Variants in SLC39A11 observed in about 807,000 individuals in gnomAD.
SLC39A11 encodes the protein solute carrier family 39 member 11, also known as zinc transporter ZIP11.
A neutral mutation model predicts 36.1 loss-of-function variants in SLC39A11; 33 were observed. The ratio of observed to expected loss-of-function variants is 0.91; its 90% CI spans 0.69 to 1.22. SLC39A11 has a LOEUF of 1.22. SLC39A11 is among the 50% of genes most tolerant of loss of function. The pLI, the probability that SLC39A11 is intolerant of heterozygous loss-of-function variation, is 0.00. For synonymous variants in SLC39A11, 166 were observed against 170.3 expected, an observed-to-expected ratio of 0.97 and a Z score of 0.20; for missense variants, 432 against 430.3, an observed-to-expected ratio of 1.00 and a Z score of -0.03.
intron 3 of SLC39A11, among the ~76,000 whole-genome samples, chr17:73,069,346 A>G (rs2060091679): frequency 6.6e-6 from 1 of 152,232 alleles, no homozygotes; most frequent in Non-Finnish European, 1.5e-5. Flanking sequence ...AGCTCCTTGC[A>G]GGGAGGGATT....
chr17:72,939,415 C>A (rs1007662631), intron 5 of SLC39A11, among the ~76,000 whole-genome samples: 13 of 151,424 alleles, frequency 8.6e-5, no homozygotes, highest in Admixed American at 2.0e-4. Context: ...GCTGAGATTG[C>A]ACCACTGCAC....
intron 3 of SLC39A11, among the ~76,000 whole-genome samples, chr17:73,077,693 C>G (rs1435179583): frequency 6.6e-6 from 1 of 152,166 alleles, no homozygotes; most frequent in Non-Finnish European, 1.5e-5. Flanking sequence ...TCTTTAGAGT[C>G]TCTTTCTTTC....
At chr17:73,078,911 T>C (rs1276727638) in intron 3 of SLC39A11, among the ~76,000 whole-genome samples, 7 of 151,628 alleles carry the variant, frequency 4.6e-5, no homozygotes, top group African/African-American at 7.3e-5. Context: ...TTTCTTTGTT[T>C]GATGCACTTT....
At chr17:72,743,401 AG>A (rs1175393422) in intron 6 of SLC39A11, among the ~76,000 whole-genome samples, 3 of 152,212 alleles carry the variant, frequency 2.0e-5, no homozygotes, top group African/African-American at 7.2e-5. Flanking sequence ...ACCTCAGGCC[AG>A]GCCAGTAGCA....
chr17:72,912,893 T>A lies in SLC39A11; in HGVS notation c.430+34859A>T, dbSNP rs2083102653. ...CTTCTCCCCATCCCTCTTGCTCCAT[T>A]GGCAATCGGCTCAAGAGTGCTGACT... is the stretch of plus-strand genomic sequence containing the variant. On this transcript the variant is annotated intron_variant, in intron 5 of 9. Coordinates refer to ENST00000255559, the MANE Select transcript of SLC39A11 (RefSeq NM_139177.4). Among the ~76,000 whole-genome samples the A allele has an allele frequency of 2.6e-5, 4 of 152,172 alleles. No individual in the cohort carries two copies. In the South Asian group the frequency reaches 8.3e-4, roughly 32 times the overall value.
chr17:72,729,909 C>T lies in SLC39A11; in HGVS notation c.671+6741G>A, dbSNP rs371966655. On this transcript the variant is annotated intron_variant, in intron 7 of 9. Transcript: ENST00000255559. ...TTATGCCGCCTATGGGCTTAACTGT[C>T]GATTAATAAATTACTATGGGTATCT... 2.5e-4 allele frequency among the ~76,000 whole-genome samples: 38 copies of T among 151,946 alleles called. 1 individual carries two copies. Among genetic ancestry groups the T allele is most frequent in the East Asian group, 9.7e-4 (5 of 5,168 alleles).
At chr17:72,816,366 T>C (rs1192710972) in intron 6 of SLC39A11, among the ~76,000 whole-genome samples, 1 of 152,080 alleles carries the variant, frequency 6.6e-6, no homozygotes, top group East Asian at 1.9e-4. Flanking sequence ...TCTTTTGCTC[T>C]TTCTTCCCAC....
At chr17:73,028,930 CA>C (rs1445412701) in intron 4 of SLC39A11, among the ~76,000 whole-genome samples, 2 of 151,770 alleles carry the variant, frequency 1.3e-5, no homozygotes, top group African/African-American at 2.4e-5. Flanking sequence ...CCAGCCTGGC[CA>C]ACATGGTGAA....
intron 4 of SLC39A11, among the ~76,000 whole-genome samples, chr17:72,974,873 G>A (rs890843383): frequency 2.0e-5 from 3 of 152,134 alleles, no homozygotes; most frequent in Non-Finnish European, 4.4e-5. Flanking sequence ...CCTCTTCTAT[G>A]TTCAGATACA....
intron 7 of SLC39A11, among the ~76,000 whole-genome samples, chr17:72,657,309 G>A (rs1222061294): frequency 3.3e-5 from 5 of 152,172 alleles, no homozygotes; most frequent in African/African-American, 9.7e-5. Context: ...ACAGTGAGCC[G>A]AGATAGCGCC....
Position 72,837,253 on chromosome 17 carries a change from C to T in SLC39A11, c.601+12381G>A, listed in dbSNP as rs75058462. Among the ~76,000 whole-genome samples, 1,327 of 150,994 alleles carry T rather than the reference C, an allele frequency of 8.8e-3. 18 individuals carry two copies. The highest frequency in any genetic ancestry group is 0.031 in the African/African-American group (1,275 of 41,064). On this transcript the variant is annotated intron_variant, in intron 6 of 9. Coordinates refer to ENST00000255559, the MANE Select transcript of SLC39A11 (RefSeq NM_139177.4). ...TCAAAATCCACAGCAACTGCCACCT[C>T]GTTGGAAAGCAGGGCTCAAAAAACA... is the stretch of plus-strand genomic sequence containing the variant.
At chr17:72,744,417 C>T (rs1288750475) in intron 6 of SLC39A11, among the ~76,000 whole-genome samples, 5 of 152,056 alleles carry the variant, frequency 3.3e-5, no homozygotes, top group Admixed American at 1.3e-4. Context: ...CAATGAGGGA[C>T]ACTTACAGAA....
chr17:72,904,855 A>G (rs2082568262), intron 5 of SLC39A11, among the ~76,000 whole-genome samples: 1 of 152,176 alleles, frequency 6.6e-6, no homozygotes, highest in Non-Finnish European at 1.5e-5. Flanking sequence ...CACCAGTCCC[A>G]TCAGCAGGGA....
chr17:72,961,067 C>T (rs1413845449), intron 4 of SLC39A11, among the ~76,000 whole-genome samples: 2 of 152,110 alleles, frequency 1.3e-5, no homozygotes, highest in African/African-American at 4.8e-5. Context: ...CATGAAAGAG[C>T]GAGCCTAAGA....
chr17:72,667,513 A>G (rs1288361414), intron 7 of SLC39A11, among the ~76,000 whole-genome samples: 1 of 152,158 alleles, frequency 6.6e-6, no homozygotes, highest in African/African-American at 2.4e-5. Flanking sequence ...CCCAGTATGG[A>G]TGGCTGAGGG....
In SLC39A11 at chr17:72,849,680, C is replaced by T. The variant is rs74444525; in HGVS notation, c.555G>A (p.Arg185=). The change falls in exon 6 of 10, where the codon AGG becomes AGA. Residue 185 remains arginine, a synonymous_variant. Transcript: ENST00000255559. ...TGGCCAAGATGAGCAGTGCGATCCT[C>T]CTCCAGCTGCTGCCGCCGGGCTGTG... ...NLAQPGGSSW[R]RIALLILAIT... is the part of the protein sequence containing the mutation. 4,602 of 1,607,922 alleles carry T rather than the reference C, an allele frequency of 2.9e-3. 93 individuals carry two copies. The African/African-American group carries it at 0.04, about 14-fold the overall frequency.
chr17:72,829,716 T>C (rs942520287), intron 6 of SLC39A11, among the ~76,000 whole-genome samples: 3 of 152,152 alleles, frequency 2.0e-5, no homozygotes, highest in Non-Finnish European at 4.4e-5. Flanking sequence ...TTCTACTGTA[T>C]AAACCACCCT....
At position 72,834,061 on chromosome 17, in the gene SLC39A11, T is replaced by C. The variant is rs34316293; in HGVS notation, c.601+15573A>G. 4.8e-3 allele frequency among the ~76,000 whole-genome samples: 729 copies of C among 152,114 alleles called. 4 individuals carry two copies. The highest frequency in any genetic ancestry group is 0.027 in the Middle Eastern group (8 of 294). ...AATGGAACTCCTCCCAAGGCAAGCTTGGGTAGGCACTACACAACAAACAAT... is the reference window on the plus strand; with the variant it reads ...AATGGAACTCCTCCCAAGGCAAGCTCGGGTAGGCACTACACAACAAACAAT... On this transcript the variant is annotated intron_variant, in intron 6 of 9. Transcript: ENST00000255559.
rs2082274 is a variant in SLC39A11, at chr17:72,776,640, G to A, written c.602-39921C>T. On this transcript the variant is annotated intron_variant, in intron 6 of 9. Coordinates refer to ENST00000255559, the MANE Select transcript of SLC39A11 (RefSeq NM_139177.4). ...AAAAAAAAAAAAAAACAGAAGACAG[G>A]CTGTTGGTAATCCAGCTGCTAGACA... Among the ~76,000 whole-genome samples the A allele has an allele frequency of 4.8e-5, 7 of 147,118 alleles. No homozygotes were observed. The East Asian group carries it at 1.2e-3, about 25-fold the overall frequency.
Sources: gnomAD v4.1 joint callset for allele counts (sites outside exome capture counted in the v4.1 genomes callset) on GRCh38, gnomAD v4.1.1 for gene constraint, MANE v1.5 for transcripts, NCBI Gene and HGNC (gene_info 2026-07-23, HGNC 2026-07-21) for gene names.